Variants in PAK1 observed in about 807,000 individuals in gnomAD.
PAK1 encodes the protein serine/threonine-protein kinase PAK 1.
In PAK1, 29 loss-of-function variants were observed where a neutral mutation model predicts 67.4. The observed-to-expected ratio is 0.43, with a 90% CI of 0.32 to 0.59. The LOEUF (loss-of-function observed/expected upper bound fraction) is 0.59. Among genes scored for constraint, PAK1 ranks in the 20% least tolerant of loss-of-function variants. The pLI, the probability that PAK1 is intolerant of heterozygous loss-of-function variation, is 0.07. For missense variants in PAK1, 337 were observed against 670.7 expected, an observed-to-expected ratio of 0.50 and a Z score of 5.50; for synonymous variants, 223 against 237.4, an observed-to-expected ratio of 0.94 and a Z score of 0.56.
chr11:77,458,185 C>T (rs892582741), intron 1 of PAK1, among the ~76,000 whole-genome samples: 4 of 152,030 alleles, frequency 2.6e-5, no homozygotes, highest in Admixed American at 2.0e-4. Flanking sequence ...GTTGATGGGG[C>T]CTTTAATTTA....
chr11:77,333,290 C>T (rs1942063671), intron 13 of PAK1, among the ~76,000 whole-genome samples: 1 of 151,224 alleles, frequency 6.6e-6, no homozygotes, highest in Non-Finnish European at 1.5e-5. Flanking sequence ...CTCCACCTCC[C>T]AGGTTCAAGC....
At chr11:77,362,375 G>C (rs1269121114) in intron 5 of PAK1, among the ~76,000 whole-genome samples, 1 of 152,080 alleles carries the variant, frequency 6.6e-6, no homozygotes, top group Admixed American at 6.6e-5. Flanking sequence ...CCAATTTTTA[G>C]TTTGATTTTC....
chr11:77,323,414 G>A (rs892711007), intron 14 of PAK1, 54 bp from the exon 15 acceptor site: 11 of 1,183,420 alleles, frequency 9.3e-6, no homozygotes, highest in Admixed American at 3.4e-5. Context: ...TTCTTCCCCA[G>A]TAACCATTAC....
intron 1 of PAK1, among the ~76,000 whole-genome samples, chr11:77,443,305 T>TAA (rs11330130): frequency 1.5e-4 from 19 of 126,932 alleles, no homozygotes; most frequent in Non-Finnish European, 1.8e-4. Context: ...CTCCGTCTCT[T>TAA]AAAAAAAAAA....
upstream of PAK1, among the ~76,000 whole-genome samples, chr11:77,477,538 C>A (rs1958071853): frequency 1.1e-5 from 1 of 91,450 alleles, no homozygotes; most frequent in South Asian, 4.1e-4. Flanking sequence ...TGAGACCAGG[C>A]AAGATAACAT....
chr11:77,410,578 T>C (rs1254257599), intron 1 of PAK1, among the ~76,000 whole-genome samples: 1 of 148,538 alleles, frequency 6.7e-6, no homozygotes, highest in East Asian at 2.0e-4. Flanking sequence ...GAAAGCCTAA[T>C]CAAGAGGGGG....
the PAK1 span, among the ~76,000 whole-genome samples, chr11:77,507,727 C>T: frequency 2.6e-5 from 4 of 152,016 alleles, no homozygotes; most frequent in African/African-American, 4.8e-5. Flanking sequence ...GGTCTCCCTA[C>T]ATTGCCCTGG....
intron 1 of PAK1, among the ~76,000 whole-genome samples, chr11:77,393,275 TAA>T (rs34684010): frequency 1.2e-4 from 16 of 132,124 alleles, no homozygotes; most frequent in African/African-American, 2.3e-4. Context: ...CCTTGTTCTT[TAA>T]AAAAAAAAAG....
intron 1 of PAK1, among the ~76,000 whole-genome samples, chr11:77,462,963 A>C (rs1015552468): frequency 3.2e-5 from 4 of 125,914 alleles, no homozygotes; most frequent in African/African-American, 1.2e-4. Context: ...GGGATACAAC[A>C]GTGAGAAAAA....
At chr11:77,335,795 C>T (rs1342811323) in intron 13 of PAK1, among the ~76,000 whole-genome samples, 2 of 152,226 alleles carry the variant, frequency 1.3e-5, no homozygotes, top group Non-Finnish European at 2.9e-5. Flanking sequence ...AACTCCCTTA[C>T]TTTGCTTTTT....
At chr11:77,523,059 C>G in the PAK1 span, among the ~76,000 whole-genome samples, 1 of 152,156 alleles carries the variant, frequency 6.6e-6, no homozygotes. Context: ...ATAGACACTT[C>G]AGGCTACTAG....
intron 10 of PAK1, among the ~76,000 whole-genome samples, chr11:77,342,784 A>G (rs1020172158): frequency 2.0e-5 from 3 of 152,202 alleles, no homozygotes; most frequent in African/African-American, 7.2e-5. Context: ...AGGAAGAGGT[A>G]GCTGGTCATG....
chr11:77,363,323 T>A (rs747771034), intron 5 of PAK1, among the ~76,000 whole-genome samples: 21 of 152,282 alleles, frequency 1.4e-4, no homozygotes, highest in Non-Finnish European at 2.6e-4. Flanking sequence ...GTGTGCTCAC[T>A]AAGCATTCTG....
At chr11:77,332,984 C>A in intron 13 of PAK1, 117 bp from the exon 14 acceptor site, 1 of 894,692 alleles carries the variant, frequency 1.1e-6, no homozygotes, top group Non-Finnish European at 1.8e-6. Context: ...AAAGTAGCAG[C>A]TGTGTATATA....
chr11:77,455,218 A>G (rs1565714816), intron 1 of PAK1, among the ~76,000 whole-genome samples: 1 of 152,180 alleles, frequency 6.6e-6, no homozygotes, highest in Non-Finnish European at 1.5e-5. Context: ...AGCCACCTGA[A>G]TATTCTCTAG....
In PAK1 at chr11:77,368,664, A is replaced by AT. The variant is rs199502449; in HGVS notation, c.477+5663dup. ...ACCTGGATAATAATATTTTTTATTT[A>AT]TTTTTTTTTTGAGATACAGTCCCAC... On this transcript the variant is annotated intron_variant, in intron 5 of 14. Transcript: ENST00000356341. 4.3e-4 allele frequency among the ~76,000 whole-genome samples: 61 copies of AT among 142,582 alleles called. 1 individual carries two copies. In the East Asian group the frequency reaches 6.8e-3, roughly 16 times the overall value. 93.5% of individuals were successfully genotyped at this position (142,582 alleles called of 152,430 possible).
the PAK1 span, among the ~76,000 whole-genome samples, chr11:77,502,478 G>A: frequency 6.6e-6 from 1 of 152,094 alleles, no homozygotes; most frequent in Non-Finnish European, 1.5e-5. Context: ...ATTTCCTTAG[G>A]ATAGATTCTC....
intron 14 of PAK1, among the ~76,000 whole-genome samples, chr11:77,332,108 T>C (rs1044049140): frequency 6.6e-6 from 1 of 151,248 alleles, no homozygotes; most frequent in Admixed American, 6.6e-5. Context: ...TTTGAGACCA[T>C]GCACGGCCAA....
At chr11:77,368,791 G>A (rs1947971289) in intron 5 of PAK1, among the ~76,000 whole-genome samples, 1 of 152,068 alleles carries the variant, frequency 6.6e-6, no homozygotes, top group South Asian at 2.1e-4. Context: ...TGAGTAGCTG[G>A]GATTACAGGC....
Sources: gnomAD v4.1 joint callset for allele counts (sites outside exome capture counted in the v4.1 genomes callset) on GRCh38, gnomAD v4.1.1 for gene constraint, MANE v1.5 for transcripts, NCBI Gene and HGNC (gene_info 2026-07-23, HGNC 2026-07-21) for gene names.